MAP2K6: variants seen among roughly 807,000 people sequenced by gnomAD.
MAP2K6 encodes mitogen-activated protein kinase kinase 6.
Under a neutral mutation model 53.7 loss-of-function variants are expected in MAP2K6, and 16 were observed. The ratio of observed to expected loss-of-function variants is 0.30; its 90% CI spans 0.20 to 0.45. The LOEUF (loss-of-function observed/expected upper bound fraction) is 0.45. Ranked by LOEUF, MAP2K6 falls within the 20% of genes least tolerant of loss-of-function variation. MAP2K6 has a pLI of 1.00. For missense variants in MAP2K6, 204 were observed against 411.9 expected (o/e 0.50, Z 4.37); for synonymous variants, 132 against 143.1 (o/e 0.92, Z 0.55).
At position 69,547,067 on chromosome 17, in the gene MAP2K6, T is replaced by C. The variant is rs551122374; in HGVS notation, c.*5314T>C. On this transcript the variant is annotated 3_prime_UTR_variant, in exon 12 of 12. Transcript: ENST00000590474. ...TAAATGTGCTGACAGCTAAAGATGC[T>C]CTTTGGGTTTTTTTTTTGGCTTTAA... The C allele has an allele frequency of 3.3e-5, 5 of 152,124 alleles. No individual in the cohort carries two copies. The highest frequency in any genetic ancestry group is 1.2e-4 in the African/African-American group (5 of 41,528). 9.4% of individuals were successfully genotyped at this position (152,124 alleles called of 1,614,324 possible). A position where few individuals can be genotyped will look rare whatever the true frequency, so the allele number is the denominator to read the frequency against.
At chr17:69,504,800 T>C (rs1449986843) in intron 1 of MAP2K6, among the ~76,000 whole-genome samples, 1 of 152,168 alleles carries the variant, frequency 6.6e-6, no homozygotes, top group Admixed American at 6.5e-5. Context: ...CAACATCAAG[T>C]TACCTTTCCA....
At position 69,520,714 on chromosome 17, in the gene MAP2K6, A is replaced by G. The variant is rs1043894852; in HGVS notation, c.483+328A>G. On this transcript the variant is annotated intron_variant, in intron 6 of 11. Transcript: ENST00000590474. ...ATTTTTAAAATGTTCTCTTGAGACT[A>G]GTAGGCATAGAAGAAAGCAGAAGGA... The G allele has an allele frequency of 1.1e-5, 4 of 378,442 alleles. No homozygotes were observed. In the Admixed American group the frequency reaches 1.3e-4, roughly 12 times the overall value. The allele number at this position is 378,442 out of a possible 1,614,324, so 23.4% of individuals were successfully genotyped here. A position where few individuals can be genotyped will look rare whatever the true frequency, so the allele number is the denominator to read the frequency against.
chr17:69,467,536 G>A (rs1907853218), intron 1 of MAP2K6, among the ~76,000 whole-genome samples: 1 of 152,112 alleles, frequency 6.6e-6, no homozygotes, highest in South Asian at 2.1e-4. Flanking sequence ...GTTTTCTAGA[G>A]GACAGCTCTG....
At chr17:69,453,685 C>T (rs576659491) in intron 1 of MAP2K6, among the ~76,000 whole-genome samples, 2 of 152,264 alleles carry the variant, frequency 1.3e-5, no homozygotes, top group Admixed American at 1.3e-4. Flanking sequence ...CTTTTCTAGT[C>T]CTCTCTTTTA....
intron 11 of MAP2K6, among the ~76,000 whole-genome samples, chr17:69,539,363 A>G (rs1398246035): frequency 1.3e-5 from 2 of 152,012 alleles, no homozygotes; most frequent in Non-Finnish European, 2.9e-5. Context: ...GCCTGGTATT[A>G]TAGTCTGAGT....
At chr17:69,475,376 G>A (rs535354756) in intron 1 of MAP2K6, among the ~76,000 whole-genome samples, 37 of 152,128 alleles carry the variant, frequency 2.4e-4, no homozygotes, top group South Asian at 1.0e-3. Context: ...CACCGTGTTA[G>A]CCAAGATGGT....
At chr17:69,451,130 A>G (rs907746936) in intron 1 of MAP2K6, among the ~76,000 whole-genome samples, 1 of 152,236 alleles carries the variant, frequency 6.6e-6, no homozygotes, top group African/African-American at 2.4e-5. Context: ...GGCTGAAGCG[A>G]AGGCAAACAA....
chr17:69,528,729 C>T (rs1313416131), intron 10 of MAP2K6, among the ~76,000 whole-genome samples: 3 of 151,720 alleles, frequency 2.0e-5, no homozygotes, highest in Non-Finnish European at 4.4e-5. Context: ...TGTGGTAGCA[C>T]ACACCTGTAG....
intron 1 of MAP2K6, among the ~76,000 whole-genome samples, chr17:69,453,929 C>T (rs886170775): frequency 5.3e-5 from 8 of 152,140 alleles, no homozygotes; most frequent in Admixed American, 1.3e-4. Flanking sequence ...CTGAGAATCA[C>T]GTCCTTGGAT....
intron 10 of MAP2K6, among the ~76,000 whole-genome samples, chr17:69,529,898 T>G (rs1274615290): frequency 6.6e-6 from 1 of 152,178 alleles, no homozygotes; most frequent in African/African-American, 2.4e-5. Flanking sequence ...GCCCTGTGCC[T>G]TCTCTCTCCT....
chr17:69,461,658 GC>G (rs1907626475), intron 1 of MAP2K6, among the ~76,000 whole-genome samples: 1 of 152,016 alleles, frequency 6.6e-6, no homozygotes, highest in African/African-American at 2.4e-5. Context: ...TATCTCCAAG[GC>G]CCCCCAGGGA....
chr17:69,503,530 T>C lies in MAP2K6; in HGVS notation c.17-2250T>C, dbSNP rs144398901. Among the ~76,000 whole-genome samples, 495 of 152,354 alleles carry C rather than the reference T, an allele frequency of 3.2e-3. 3 individuals are homozygous for C. Among genetic ancestry groups the C allele is most frequent in the African/African-American group, 0.011 (474 of 41,578 alleles). On this transcript the variant is annotated intron_variant, in intron 1 of 11. Coordinates refer to ENST00000590474, the MANE Select transcript of MAP2K6 (RefSeq NM_002758.4). ...ATGAGGAGAGAATTGAGAAAGCCTC[T>C]TATTCTGAAGGTGGTCCTAAAAGGC...
intron 1 of MAP2K6, among the ~76,000 whole-genome samples, chr17:69,461,535 G>A (rs1907622583): frequency 1.3e-5 from 2 of 152,178 alleles, no homozygotes; most frequent in South Asian, 2.1e-4. Flanking sequence ...TTGTTTAGGG[G>A]CATGTTTTCC....
rs1906996630 is a variant in MAP2K6 at position 69,447,198 on chromosome 17, C to T, written c.16+32198C>T. Among the ~76,000 whole-genome samples the T allele has an allele frequency of 4.0e-5, 6 of 151,556 alleles. No homozygotes were observed. The South Asian group carries it at 6.3e-4, about 16-fold the overall frequency. On this transcript the variant is annotated intron_variant, in intron 1 of 11. Coordinates refer to ENST00000590474, the MANE Select transcript of MAP2K6 (RefSeq NM_002758.4). ...TTCACTATGTTGGCCAGGCTGGTTT[C>T]GAACTCCTGACCTCAGGTGGTCCAC...
At position 69,548,705 on chromosome 17, in the gene MAP2K6, C is replaced by T. The variant is rs192245058; in HGVS notation, c.*6952C>T. 156 of 152,306 alleles carry T rather than the reference C, an allele frequency of 1.0e-3. 1 individual carries two copies. Among genetic ancestry groups the T allele is most frequent in the African/African-American group, 3.5e-3 (146 of 41,570 alleles). 9.4% of individuals were successfully genotyped at this position (152,306 alleles called of 1,614,324 possible). A position where few individuals can be genotyped will look rare whatever the true frequency, so the allele number is the denominator to read the frequency against. On this transcript the variant is annotated 3_prime_UTR_variant, in exon 12 of 12. Coordinates refer to ENST00000590474, the MANE Select transcript of MAP2K6 (RefSeq NM_002758.4). Reference sequence around the variant, plus strand: ...AGGGGAAGCACATTGCCACCAAATACATCACTCACTACCTGTTCCTGGTGA... The same window carrying T: ...AGGGGAAGCACATTGCCACCAAATATATCACTCACTACCTGTTCCTGGTGA...
intron 2 of MAP2K6, among the ~76,000 whole-genome samples, chr17:69,506,103 T>C (rs1442892854): frequency 6.6e-6 from 1 of 152,352 alleles, no homozygotes; most frequent in East Asian, 1.9e-4. Context: ...GATGGGGCTC[T>C]ATGTAAGGCC....
intron 1 of MAP2K6, among the ~76,000 whole-genome samples, chr17:69,425,677 T>C (rs961675447): frequency 2.0e-5 from 3 of 152,222 alleles, no homozygotes; most frequent in Non-Finnish European, 2.9e-5. Context: ...TATGCCTCAG[T>C]TGTTTTTCAT....
intron 1 of MAP2K6, among the ~76,000 whole-genome samples, chr17:69,488,568 C>T (rs1287351661): frequency 6.6e-6 from 1 of 152,206 alleles, no homozygotes; most frequent in African/African-American, 2.4e-5. Flanking sequence ...GGTACATATA[C>T]ACCGTGAAAT....
chr17:69,482,120 TC>T (rs915063986), intron 1 of MAP2K6, among the ~76,000 whole-genome samples: 13 of 152,062 alleles, frequency 8.5e-5, no homozygotes, highest in African/African-American at 3.1e-4. Context: ...AGAAATTGAG[TC>T]CACAAAAGTT....
Sources: allele counts gnomAD v4.1 joint callset (sites outside exome capture counted in the v4.1 genomes callset), GRCh38; gene constraint gnomAD v4.1.1; transcripts MANE v1.5; gene names NCBI Gene and HGNC (gene_info 2026-07-23, HGNC 2026-07-21).